Variants in NALCN observed in about 807,000 individuals in gnomAD.
The protein encoded by NALCN is sodium leak channel NALCN.
NALCN carries 111 observed loss-of-function variants against 225.3 expected under a neutral mutation model. The ratio of observed to expected loss-of-function variants is 0.49; its 90% confidence interval spans 0.42 to 0.58. NALCN has a LOEUF of 0.58. Among genes scored for constraint, NALCN ranks in the 20% least tolerant of loss-of-function variants. The pLI is 0.00. For missense variants in NALCN, 1,378 were observed against 2,202.4 expected (o/e 0.63, Z 7.49); for synonymous variants, 764 against 769.0 (o/e 0.99, Z 0.11).
At chr13:101,196,363 C>T (rs1383813650) in intron 13 of NALCN, among the ~76,000 whole-genome samples, 1 of 152,158 alleles carries the variant, frequency 6.6e-6, no homozygotes, top group African/African-American at 2.4e-5. Context: ...CCATCAATTG[C>T]CCAGAAACCA....
intron 20 of NALCN, among the ~76,000 whole-genome samples, chr13:101,110,131 A>G (rs1594225457): frequency 6.6e-6 from 1 of 152,358 alleles, no homozygotes; most frequent in East Asian, 1.9e-4. Context: ...AAATAAATCC[A>G]TGACTTAGAG....
intron 15 of NALCN, among the ~76,000 whole-genome samples, chr13:101,153,572 C>T (rs1180846102): frequency 6.6e-6 from 1 of 152,226 alleles, no homozygotes; most frequent in Admixed American, 6.5e-5. Context: ...CAAAGAGATG[C>T]TTACAGCACC....
chr13:101,195,887 T>C (rs765008833), intron 13 of NALCN, among the ~76,000 whole-genome samples: 1 of 152,232 alleles, frequency 6.6e-6, no homozygotes, highest in Non-Finnish European at 1.5e-5. Flanking sequence ...GTGTCATGTA[T>C]ACATTTATAT....
At chr13:101,321,040 G>A (rs377717080) in intron 7 of NALCN, among the ~76,000 whole-genome samples, 3 of 145,746 alleles carry the variant, frequency 2.1e-5, no homozygotes, top group South Asian at 2.2e-4. Context: ...AGTCATTCTT[G>A]ATTCTCTATT....
At chr13:101,199,299 G>C (rs1306973763) in intron 13 of NALCN, among the ~76,000 whole-genome samples, 1 of 151,304 alleles carries the variant, frequency 6.6e-6, no homozygotes, top group Non-Finnish European at 1.5e-5. Flanking sequence ...AAAAAAAAGA[G>C]TTGGAAAAAA....
intron 14 of NALCN, among the ~76,000 whole-genome samples, chr13:101,182,570 A>G (rs1014018961): frequency 6.6e-6 from 1 of 152,238 alleles, no homozygotes; most frequent in Non-Finnish European, 1.5e-5. Context: ...ACAAACTTAC[A>G]AAACAGAAAC....
intron 34 of NALCN, among the ~76,000 whole-genome samples, chr13:101,076,301 G>A (rs1463905308): frequency 6.6e-6 from 1 of 152,174 alleles, no homozygotes; most frequent in African/African-American, 2.4e-5. Context: ...AGGAATCCTG[G>A]CAAAGAGAAA....
At chr13:101,142,940 A>G (rs757050600) in intron 17 of NALCN, 140 bp downstream of exon 17, 51 of 1,221,800 alleles carry the variant, frequency 4.2e-5, no homozygotes, top group Non-Finnish European at 5.9e-5. Context: ...AGGTTTCATG[A>G]TATCTTTTAC....
rs777329027 is a variant in NALCN, at chr13:101,073,660, G to A, written c.4121C>T (p.Ser1374Leu). Residue 1374 changes from serine to leucine, a missense_variant, in exon 37 of 44, where the codon TCG (serine) becomes TTG (leucine). Transcript: ENST00000251127. ...ENINRHANFS[S>L]AGKAITVLFR... ...CAGTACGGTAATAGCTTTTCCAGCC[G>A]AAGAAAAATTTGCATGCCTAATTTA... 11 of 1,611,874 alleles carry A rather than the reference G, an allele frequency of 6.8e-6. No individual in the cohort carries two copies. In the East Asian group the frequency reaches 1.3e-4, roughly 20 times the overall value.
chr13:101,089,779 T>C lies in NALCN; in HGVS notation c.3391-18A>G, dbSNP rs752068324. On this transcript the variant is annotated intron_variant, in intron 29 of 43. Transcript: ENST00000251127. This position sits in a 1 kb window ranked among gnomAD's most constrained non-coding sequence, Gnocchi z 4.7. ...CCATGGATCTGCATAAAGGAAAATA[T>C]GGTTATTCATCAAAACAAATGAAAG... is the stretch of plus-strand genomic sequence containing the variant. 1.2e-4 allele frequency: 193 copies of C among 1,613,846 alleles called. No homozygotes were observed. Among genetic ancestry groups the C allele is most frequent in the Non-Finnish European group, 1.6e-4 (185 of 1,179,910 alleles).
At chr13:101,111,597 G>A (rs1405355554) in intron 18 of NALCN, among the ~76,000 whole-genome samples, 1 of 152,158 alleles carries the variant, frequency 6.6e-6, no homozygotes, top group Non-Finnish European at 1.5e-5. Flanking sequence ...ATCTCATCTT[G>A]AATTCCCATG....
At chr13:101,257,125 A>G (rs1594541032) in intron 11 of NALCN, among the ~76,000 whole-genome samples, 1 of 144,484 alleles carries the variant, frequency 6.9e-6, no homozygotes, top group Admixed American at 7.0e-5. Context: ...AATTATACCT[A>G]TTTTTCAGAG....
intron 9 of NALCN, among the ~76,000 whole-genome samples, chr13:101,287,630 T>A (rs2043388471): frequency 6.6e-6 from 1 of 152,200 alleles, no homozygotes; most frequent in Admixed American, 6.5e-5. Flanking sequence ...TAAGAAGATG[T>A]TCTGAATTAG....
At chr13:101,341,485 T>C (rs898629834) in intron 7 of NALCN, among the ~76,000 whole-genome samples, 6 of 152,216 alleles carry the variant, frequency 3.9e-5, no homozygotes, top group Admixed American at 3.3e-4. Context: ...TTTACTAAGA[T>C]GTGTCTCAGT....
intron 3 of NALCN, among the ~76,000 whole-genome samples, chr13:101,384,698 T>C (rs1271183314): frequency 1.3e-5 from 2 of 152,184 alleles, no homozygotes; most frequent in African/African-American, 4.8e-5. Context: ...ATGCATGAAG[T>C]GCTCTGCAAC....
chr13:101,338,508 C>T (rs1359282045), intron 7 of NALCN, among the ~76,000 whole-genome samples: 1 of 152,172 alleles, frequency 6.6e-6, no homozygotes, highest in African/African-American at 2.4e-5. Context: ...CCTGACTGTA[C>T]AATGAATGAA....
At chr13:101,310,014 C>G (rs148906907) in intron 7 of NALCN, among the ~76,000 whole-genome samples, 1 of 152,114 alleles carries the variant, frequency 6.6e-6, no homozygotes, top group Admixed American at 6.5e-5. Context: ...AACACACAGC[C>G]AATCTCTTAG....
At chr13:101,124,569 A>G in intron 18 of NALCN, 39 bp downstream of exon 18, 6 of 1,533,932 alleles carry the variant, frequency 3.9e-6, no homozygotes, top group Non-Finnish European at 5.4e-6. Flanking sequence ...ATATAATCCC[A>G]CTTGTGTTTA....
intron 22 of NALCN, among the ~76,000 whole-genome samples, chr13:101,106,051 A>T (rs1566818610): frequency 1.3e-5 from 2 of 152,192 alleles, no homozygotes; most frequent in Admixed American, 1.3e-4. Context: ...GAAATCCAAG[A>T]TCAAGATGCC....
Sources: gnomAD v4.1 joint callset for allele counts (sites outside exome capture counted in the v4.1 genomes callset) on GRCh38, gnomAD v4.1.1 for gene constraint, Gnocchi (gnomAD v3.1) non-coding constraint, MANE v1.5 for transcripts, NCBI Gene and HGNC (gene_info 2026-07-23, HGNC 2026-07-21) for gene names.